PEX14: variants seen among roughly 807,000 people sequenced by gnomAD.
PEX14 encodes the protein peroxisomal membrane protein PEX14.
Under a neutral mutation model 49.5 loss-of-function variants are expected in PEX14, and 15 were observed. The ratio of observed to expected loss-of-function variants is 0.30; its 90% CI spans 0.20 to 0.47. The LOEUF is 0.47. Among genes scored for constraint, PEX14 ranks in the 20% least tolerant of loss-of-function variants. The probability of loss-of-function intolerance (pLI) is 1.00; values close to 1 mark genes in which losing one functional copy is unlikely to be tolerated. For missense variants in PEX14, 398 were observed against 494.8 expected (o/e 0.80, Z 1.86); for synonymous variants, 210 against 212.7 (o/e 0.99, Z 0.11).
rs1480571820 is a variant in PEX14 at position 10,630,272 on chromosome 1, A to G, written c.*285A>G. The G allele has an allele frequency of 3.7e-6, 2 of 538,906 alleles. No homozygotes were observed. The highest frequency in any genetic ancestry group is 6.6e-6 in the Non-Finnish European group (2 of 303,226). 33.4% of individuals were successfully genotyped at this position (538,906 alleles called of 1,614,324 possible). On this transcript the variant is annotated 3_prime_UTR_variant, in exon 9 of 9. Coordinates refer to ENST00000356607, the MANE Select transcript of PEX14 (RefSeq NM_004565.3). The surrounding 1 kb of genome is among the most constrained non-coding windows in gnomAD (Gnocchi z 4.1). ...TGAAGGCAGCGAAGCCTCGGGGCCC[A>G]AGCCCCTCCCCAGCCCCCTCTCCCG...
chr1:10,609,324 CTTAA>C (rs1361400999), intron 4 of PEX14, among the ~76,000 whole-genome samples: 1 of 152,118 alleles, frequency 6.6e-6, no homozygotes, highest in Non-Finnish European at 1.5e-5. Flanking sequence ...CTGGATCCTT[CTTAA>C]TTCTTTTCTT....
At chr1:10,523,628 TAA>T (rs34613906) in intron 2 of PEX14, among the ~76,000 whole-genome samples, 1,468 of 145,486 alleles carry the variant, frequency 0.01, 20 homozygotes, top group African/African-American at 0.029. Flanking sequence ...TTGTGTAAGG[TAA>T]AAAAAAAAAA....
chr1:10,566,269 C>A (rs573316325), intron 3 of PEX14, among the ~76,000 whole-genome samples: 1 of 152,208 alleles, frequency 6.6e-6, no homozygotes, highest in Admixed American at 6.5e-5. Context: ...ATTTTTATTT[C>A]CGTATCTACA....
chr1:10,560,655 G>A (rs918726905), intron 3 of PEX14, among the ~76,000 whole-genome samples: 5 of 150,694 alleles, frequency 3.3e-5, no homozygotes, highest in African/African-American at 1.2e-4. Context: ...ACAGACATGA[G>A]CCACCATGCC....
At chr1:10,549,035 G>A (rs1266046132) in intron 3 of PEX14, among the ~76,000 whole-genome samples, 1 of 152,038 alleles carries the variant, frequency 6.6e-6, no homozygotes, top group Non-Finnish European at 1.5e-5. Flanking sequence ...TAGTAATACG[G>A]TGGTCTTAAA....
chr1:10,622,015 G>C (rs1214600933), intron 5 of PEX14, among the ~76,000 whole-genome samples: 1 of 152,118 alleles, frequency 6.6e-6, no homozygotes, highest in Non-Finnish European at 1.5e-5. Context: ...GGGGCAGCGG[G>C]TCTCACTCCT....
At chr1:10,558,815 C>G (rs899268241) in intron 3 of PEX14, among the ~76,000 whole-genome samples, 1 of 151,854 alleles carries the variant, frequency 6.6e-6, no homozygotes, top group Non-Finnish European at 1.5e-5. Flanking sequence ...CTCTTTCCAT[C>G]CACGGATGTG....
chr1:10,521,914 G>A (rs1352100301), intron 2 of PEX14, among the ~76,000 whole-genome samples: 1 of 152,210 alleles, frequency 6.6e-6, no homozygotes, highest in Non-Finnish European at 1.5e-5. Flanking sequence ...TAGTCTTAAA[G>A]CAGAGTGCTC....
At chr1:10,538,606 A>C (rs1638908421) in intron 3 of PEX14, among the ~76,000 whole-genome samples, 1 of 152,162 alleles carries the variant, frequency 6.6e-6, no homozygotes, top group Non-Finnish European at 1.5e-5. Context: ...GGGGAAGAAA[A>C]GCCCCTTCGC....
chr1:10,578,207 A>C (rs1640208104), intron 3 of PEX14, among the ~76,000 whole-genome samples: 1 of 152,166 alleles, frequency 6.6e-6, no homozygotes, highest in South Asian at 2.1e-4. Context: ...GCACAGGGGA[A>C]GTGCCACAGA....
Position 10,586,404 on chromosome 1 carries a change from G to A in PEX14, c.170-12834G>A, listed in dbSNP as rs1487474872. The stretch of plus-strand genomic sequence containing the variant: ...GTGACCATTTTGGACATTGTTGGCA[G>A]TATCTGTTAAAGCTGAGAAGATGTG... On this transcript the variant is annotated intron_variant, in intron 3 of 8. Coordinates refer to ENST00000356607, the MANE Select transcript of PEX14 (RefSeq NM_004565.3). 3.3e-5 allele frequency among the ~76,000 whole-genome samples: 5 copies of A among 152,206 alleles called. No individual in the cohort carries two copies. In the East Asian group the frequency reaches 9.7e-4, roughly 29 times the overall value.
Position 10,490,205 on chromosome 1 carries a change from A to G in PEX14, c.37-5069A>G, listed in dbSNP as rs376890880. The stretch of plus-strand genomic sequence containing the variant: ...TGTGTACTTTCTGTCATGCCACTGC[A>G]TCTCAAAGGATATTGGTGGGATCGA... On this transcript the variant is annotated intron_variant, in intron 1 of 8. Coordinates refer to ENST00000356607, the MANE Select transcript of PEX14 (RefSeq NM_004565.3). Among the ~76,000 whole-genome samples the G allele has an allele frequency of 2.6e-5, 4 of 152,332 alleles. No homozygotes were observed. In the East Asian group the frequency reaches 5.8e-4, roughly 22 times the overall value.
At chr1:10,543,605 G>A (rs917935593) in intron 3 of PEX14, among the ~76,000 whole-genome samples, 38 of 152,316 alleles carry the variant, frequency 2.5e-4, no homozygotes, top group Admixed American at 1.4e-3. Context: ...AGGAAGTGAG[G>A]GAGGAGCTGG....
Position 10,629,480 on chromosome 1 carries a change from G to C in PEX14, c.678-51G>C. On this transcript the variant is annotated intron_variant, in intron 8 of 8. Coordinates refer to ENST00000356607, the MANE Select transcript of PEX14 (RefSeq NM_004565.3). This position sits in a 1 kb window ranked among gnomAD's most constrained non-coding sequence, Gnocchi z 8.5. ...TCAGGGAAGGCGTGGCCCTTCGAAG[G>C]GGGGCGTCCTGAATGCCGCCACCAA... is the stretch of plus-strand genomic sequence containing the variant. 1 of 1,331,904 alleles carries C rather than the reference G, an allele frequency of 7.5e-7. No homozygotes were observed. The highest frequency in any genetic ancestry group is 1.2e-5 in the South Asian group (1 of 85,116). The allele number at this position is 1,331,904 out of a possible 1,614,324, so 82.5% of individuals were successfully genotyped here.
At chr1:10,525,877 G>A (rs1199694191) in intron 2 of PEX14, among the ~76,000 whole-genome samples, 2 of 150,728 alleles carry the variant, frequency 1.3e-5, no homozygotes, top group African/African-American at 4.9e-5. Context: ...GCCCGCCTTG[G>A]CCCCCTAAAG....
chr1:10,597,436 C>T lies in PEX14; in HGVS notation c.170-1802C>T, dbSNP rs1411769749. Among the ~76,000 whole-genome samples the T allele has an allele frequency of 6.6e-6, 1 of 152,206 alleles. No individual in the cohort carries two copies. Among genetic ancestry groups the T allele is most frequent in the East Asian group, 1.9e-4 (1 of 5,198 alleles). The stretch of plus-strand genomic sequence containing the variant: ...CAGGCTGGAACCTGAGAGGCACAAA[C>T]TCAGGGCGGGGGTATTCTCTGTTGT... On this transcript the variant is annotated intron_variant, in intron 3 of 8. Coordinates refer to ENST00000356607, the MANE Select transcript of PEX14 (RefSeq NM_004565.3). The surrounding 1 kb of genome is among the most constrained non-coding windows in gnomAD (Gnocchi z 5.7).
intron 3 of PEX14, among the ~76,000 whole-genome samples, chr1:10,572,565 C>T (rs1640007354): frequency 6.6e-6 from 1 of 152,160 alleles, no homozygotes. Context: ...GAGACGGAGT[C>T]TTGCTGTCAC....
At chr1:10,507,699 T>C (rs938557359) in intron 2 of PEX14, among the ~76,000 whole-genome samples, 9 of 152,190 alleles carry the variant, frequency 5.9e-5, no homozygotes, top group African/African-American at 2.2e-4. Context: ...GGACTCCAGC[T>C]CTTAAAGTGG....
At chr1:10,515,064 C>T (rs558516316) in intron 2 of PEX14, among the ~76,000 whole-genome samples, 12 of 152,300 alleles carry the variant, frequency 7.9e-5, no homozygotes, top group Non-Finnish European at 1.5e-4. Flanking sequence ...AGAGTGGGCT[C>T]CGTCCTCCAG....
Sources: gnomAD v4.1 joint callset for allele counts (sites outside exome capture counted in the v4.1 genomes callset) on GRCh38, gnomAD v4.1.1 for gene constraint, Gnocchi (gnomAD v3.1) non-coding constraint, MANE v1.5 for transcripts, NCBI Gene and HGNC (gene_info 2026-07-23, HGNC 2026-07-21) for gene names.